The following CPNE1 variants were observed in gnomAD, a reference collection of about 807,000 sequenced individuals.
CPNE1 encodes copine 1, also known as copine-1.
CPNE1 carries 58 observed loss-of-function variants against 63.2 expected under a neutral mutation model. That is an observed-to-expected ratio of 0.92 (90% CI 0.74 to 1.14). The LOEUF is 1.14. CPNE1 is among the 50% of genes most tolerant of loss of function. The pLI is 0.00. For synonymous variants in CPNE1, 237 were observed against 249.0 expected (o/e 0.95, Z 0.45); for missense variants, 672 against 661.7 (o/e 1.02, Z -0.17).
intron 1 of CPNE1, chr20:35,654,814 G>T (rs778628195): frequency 6.2e-7 from 1 of 1,614,238 alleles, no homozygotes; most frequent in Non-Finnish European, 8.5e-7. Flanking sequence ...TGAGCTAAAC[G>T]TTGGGCTCCC....
intron 1 of CPNE1, among the ~76,000 whole-genome samples, chr20:35,656,699 T>TA (rs900088365): frequency 2.0e-5 from 3 of 152,100 alleles, no homozygotes; most frequent in African/African-American, 7.2e-5. Context: ...CATGCCTGGC[T>TA]AAGTGTTTGT....
rs892953173 is a variant in CPNE1, at chr20:35,632,660, G to A, written c.166C>T (p.Pro56Ser). Reference sequence around the variant, plus strand: ...AGCTGTAGAGTCTTGGAGAACTCAGGGCTTGAGCAGTTCCGCACCCGTTCA... The same window carrying A: ...AGCTGTAGAGTCTTGGAGAACTCAGAGCTTGAGCAGTTCCGCACCCGTTCA... ...RTERVRNCSS[P>S]EFSKTLQLEY... is the part of the protein sequence containing the mutation. Residue 56 changes from proline to serine, a missense_variant, in exon 3 of 16, where the codon CCT becomes TCT. Pro to Ser is a moderately conservative substitution (Grantham distance 74). Coordinates refer to ENST00000397443, the MANE Select transcript of CPNE1 (RefSeq NM_152925.3). The A allele has an allele frequency of 3.0e-6, 4 of 1,329,648 alleles. No individual in the cohort carries two copies. Among genetic ancestry groups the A allele is most frequent in the Non-Finnish European group, 4.3e-6 (4 of 920,148 alleles). The allele number at this position is 1,329,648 out of a possible 1,614,324, so 82.4% of individuals were successfully genotyped here. A position where few individuals can be genotyped will look rare whatever the true frequency, so the allele number is the denominator to read the frequency against.
chr20:35,631,236 C>CA (rs781331074), intron 9 of CPNE1, 32 bp downstream of exon 9: 10 of 1,613,826 alleles, frequency 6.2e-6, no homozygotes, highest in Non-Finnish European at 7.6e-6. Context: ...GCTCAGGAAT[C>CA]AGAGCCTTGG....
At position 35,626,122 on chromosome 20, in the gene CPNE1, TA is replaced by T; in HGVS notation, c.*118del. On this transcript the variant is annotated 3_prime_UTR_variant, in exon 16 of 16. Coordinates refer to ENST00000397443, the MANE Select transcript of CPNE1 (RefSeq NM_152925.3). ...CAAGAGCAGCAAAAGCAGAAACAAG[TA>T]TAAAAGTATCAAAAAATACAAAGTG... 1 of 1,072,494 alleles carries T rather than the reference TA, an allele frequency of 9.3e-7. No homozygotes were observed. The highest frequency in any genetic ancestry group is 1.4e-6 in the Non-Finnish European group (1 of 700,326). The allele number at this position is 1,072,494 out of a possible 1,614,324, so 66.4% of individuals were successfully genotyped here.
chr20:35,632,191 T>A lies in CPNE1; in HGVS notation c.428A>T (p.Glu143Val), dbSNP rs750982115. 2 of 1,614,064 alleles carry A rather than the reference T, an allele frequency of 1.2e-6. No homozygotes were observed. The highest frequency in any genetic ancestry group is 8.5e-7 in the Non-Finnish European group (1 of 1,180,016). ...ELKDNRVVTMEVEARNLDKKD... is the reference protein window; with the variant it reads ...ELKDNRVVTMVVEARNLDKKD... ...CTTATCTAGGTTTCTGGCCTCTACC[T>A]CCATGGTTACTACACGATTGTCCTT... Residue 143 changes from glutamate (E) to valine (V), a missense_variant, in exon 5 of 16, where the codon GAG becomes GTG. Coordinates refer to ENST00000397443, the MANE Select transcript of CPNE1 (RefSeq NM_152925.3).
In CPNE1 at chr20:35,627,292, C is replaced by G. The variant is rs1333209350; in HGVS notation, c.1224G>C (p.Gln408His). Residue 408 changes from glutamine (Q) to histidine (H), a missense_variant, in exon 14 of 16, where the codon CAG becomes CAC. Coordinates refer to ENST00000397443, the MANE Select transcript of CPNE1 (RefSeq NM_152925.3). ...VARFAAQAAHQGTASQYFMLL... is the reference protein window; with the variant it reads ...VARFAAQAAHHGTASQYFMLL... ...CCACGACTCTCACCGAGGCAGTCCC[C>G]TGATGTGCAGCCTGGGCTGCAAACC... 1 of 1,613,168 alleles carries G rather than the reference C, an allele frequency of 6.2e-7. No individual in the cohort carries two copies. The highest frequency in any genetic ancestry group is 1.1e-5 in the South Asian group (1 of 91,030).
chr20:35,651,066 G>A (rs1360287874), intron 1 of CPNE1: 2 of 152,172 alleles, frequency 1.3e-5, no homozygotes, highest in Non-Finnish European at 1.5e-5. Context: ...GCCCTGTAAG[G>A]CCAAGTTTTT....
intron 1 of CPNE1, among the ~76,000 whole-genome samples, chr20:35,641,241 C>T (rs529221645): frequency 1.3e-5 from 2 of 152,336 alleles, no homozygotes; most frequent in African/African-American, 4.8e-5. Context: ...TTGGCTAAGG[C>T]CACATATATG....
At chr20:35,654,361 C>G in intron 1 of CPNE1, 1 of 1,614,230 alleles carries the variant, frequency 6.2e-7, no homozygotes, top group Non-Finnish European at 8.5e-7. Context: ...AAAAAAATCT[C>G]TGACATCATT....
At chr20:35,637,655 C>A (rs531921993) in intron 1 of CPNE1, among the ~76,000 whole-genome samples, 1 of 152,244 alleles carries the variant, frequency 6.6e-6, no homozygotes, top group Non-Finnish European at 1.5e-5. Flanking sequence ...AGTGTTTCTG[C>A]GACCATACAC....
chr20:35,652,693 T>C, intron 1 of CPNE1: 1 of 1,614,042 alleles, frequency 6.2e-7, no homozygotes. Flanking sequence ...TTGATAGCCA[T>C]AAAAGAAATC....
chr20:35,637,100 A>G (rs573189125), intron 1 of CPNE1, among the ~76,000 whole-genome samples: 8 of 152,136 alleles, frequency 5.3e-5, no homozygotes, highest in Non-Finnish European at 1.2e-4. Context: ...CCCCAAATCC[A>G]CACCTCAAAT....
rs540137883 is a variant in CPNE1, at chr20:35,631,528, G to A, written c.678C>T (p.Thr226=). The A allele has an allele frequency of 3.7e-6, 6 of 1,614,082 alleles. No homozygotes were observed. The African/African-American group carries it at 4.0e-5, about 11-fold the overall frequency. Residue 226 remains threonine (T), a synonymous_variant, in exon 8 of 16, where the codon ACC becomes ACT. Transcript: ENST00000397443. ...GCAGCTGGGCCAAGCTGGTGTGGAAGGTACCGATGAGATCATGTGACCCGT... is the reference window on the plus strand; with the variant it reads ...GCAGCTGGGCCAAGCTGGTGTGGAAAGTACCGATGAGATCATGTGACCCGT... ...DSDGSHDLIG[T]FHTSLAQLQA...
chr20:35,653,284 G>A, intron 1 of CPNE1: 2 of 1,613,644 alleles, frequency 1.2e-6, no homozygotes, highest in East Asian at 2.2e-5. Context: ...GGTTATTGCT[G>A]AACCAGGCAG....
In CPNE1 at chr20:35,632,059, G is replaced by A. The variant is rs530990217; in HGVS notation, c.457-34C>T. On this transcript the variant is annotated intron_variant, in intron 5 of 15. Transcript: ENST00000397443. ...GCGAGACCCCAGTTACAAGACTCAG[G>A]AACAAACAACCATTATGCCATCCCT... The A allele has an allele frequency of 8.2e-5, 131 of 1,601,860 alleles. No individual in the cohort carries two copies. The East Asian group carries it at 2.7e-3, about 33-fold the overall frequency.
At chr20:35,654,918 A>G in intron 1 of CPNE1, 3 of 1,614,150 alleles carry the variant, frequency 1.9e-6, no homozygotes, top group Non-Finnish European at 2.5e-6. Context: ...AAGTGGTGGC[A>G]GTAACTACAC....
In CPNE1 at chr20:35,632,162, C is replaced by T. The variant is rs1412740600; in HGVS notation, c.456+1G>A. On this transcript the variant is annotated splice_donor_variant, in intron 5 of 15. Coordinates refer to ENST00000397443, the MANE Select transcript of CPNE1 (RefSeq NM_152925.3). LOFTEE classifies it high-confidence loss of function. Reference sequence around the variant, plus strand: ...TTACCAGGGCCTACTTCCAGACACACCTTCTTATCTAGGTTTCTGGCCTCT... The same window carrying T: ...TTACCAGGGCCTACTTCCAGACACATCTTCTTATCTAGGTTTCTGGCCTCT... 2.5e-6 allele frequency: 4 copies of T among 1,614,000 alleles called. No homozygotes were observed. Among genetic ancestry groups the T allele is most frequent in the Non-Finnish European group, 1.7e-6 (2 of 1,179,882 alleles).
intron 1 of CPNE1, among the ~76,000 whole-genome samples, chr20:35,663,479 G>C (rs1391763580): frequency 6.6e-6 from 1 of 152,122 alleles, no homozygotes; most frequent in Non-Finnish European, 1.5e-5. Context: ...CAAACCTTCA[G>C]TTGCCATCAC....
At chr20:35,653,854 C>T (rs762540593) in intron 1 of CPNE1, 17 of 1,613,768 alleles carry the variant, frequency 1.1e-5, no homozygotes, top group South Asian at 3.3e-5. Flanking sequence ...CTGTTTATGA[C>T]GACACAGAGC....
Sources: allele counts gnomAD v4.1 joint callset (sites outside exome capture counted in the v4.1 genomes callset), GRCh38; gene constraint gnomAD v4.1.1; transcripts MANE v1.5; gene names NCBI Gene and HGNC (gene_info 2026-07-23, HGNC 2026-07-21).